C8orf34: variants seen among roughly 807,000 people sequenced by gnomAD.
C8orf34 encodes the protein uncharacterized protein C8orf34.
Under a neutral mutation model 68.3 loss-of-function variants are expected in C8orf34, and 65 were observed. The ratio of observed to expected loss-of-function variants is 0.95; its 90% CI spans 0.78 to 1.17. The LOEUF (loss-of-function observed/expected upper bound fraction) is 1.17, where lower values mean the gene tolerates loss of function less well. Ranked by LOEUF, C8orf34 falls within the 50% of genes most tolerant of loss-of-function variation. C8orf34 has a pLI of 0.00. For synonymous variants in C8orf34, 244 were observed against 241.2 expected (o/e 1.01, Z -0.11); for missense variants, 664 against 655.4 (o/e 1.01, Z -0.14).
intron 1 of C8orf34, among the ~76,000 whole-genome samples, chr8:68,417,361 G>A (rs1383789002): frequency 6.6e-6 from 1 of 151,930 alleles, no homozygotes; most frequent in South Asian, 2.1e-4. Flanking sequence ...GTTTGTAATA[G>A]CAAATTAGTG....
intron 10 of C8orf34, among the ~76,000 whole-genome samples, chr8:68,723,216 C>G (rs562917425): frequency 3.3e-5 from 5 of 152,132 alleles, no homozygotes; most frequent in East Asian, 3.9e-4. Context: ...TAGTTTTACT[C>G]GTGGAGTGAT....
intron 3 of C8orf34, among the ~76,000 whole-genome samples, chr8:68,450,514 A>G (rs576317909): frequency 2.0e-5 from 3 of 152,286 alleles, no homozygotes; most frequent in African/African-American, 7.2e-5. Flanking sequence ...AGGTAATAAG[A>G]CTTGAAAGTC....
chr8:68,632,175 T>C (rs910946848), intron 7 of C8orf34, among the ~76,000 whole-genome samples: 3 of 152,020 alleles, frequency 2.0e-5, no homozygotes, highest in African/African-American at 7.2e-5. Context: ...TAGGCTGAGG[T>C]GGTGTCAGAT....
intron 1 of C8orf34, among the ~76,000 whole-genome samples, chr8:68,345,794 G>A (rs1458884675): frequency 6.6e-6 from 1 of 151,832 alleles, no homozygotes; most frequent in African/African-American, 2.4e-5. Flanking sequence ...TGGTGTATGT[G>A]TCAAGGTACA....
At chr8:68,672,989 CT>C (rs1820064336) in intron 8 of C8orf34, among the ~76,000 whole-genome samples, 1 of 152,118 alleles carries the variant, frequency 6.6e-6, no homozygotes, top group Admixed American at 6.5e-5. Flanking sequence ...CAGGCCCTAG[CT>C]CTCAGATGAC....
At chr8:68,520,047 T>G (rs1354081170) in intron 5 of C8orf34, among the ~76,000 whole-genome samples, 1 of 152,214 alleles carries the variant, frequency 6.6e-6, no homozygotes, top group African/African-American at 2.4e-5. Context: ...GCCCTTCTGA[T>G]TGTTTGAAAA....
At chr8:68,377,418 AGAAG>A (rs1325944695) in intron 1 of C8orf34, among the ~76,000 whole-genome samples, 2 of 150,204 alleles carry the variant, frequency 1.3e-5, no homozygotes, top group South Asian at 2.1e-4. Flanking sequence ...AAGGAGAAGG[AGAAG>A]GAAGAAAAAA....
intron 10 of C8orf34, among the ~76,000 whole-genome samples, chr8:68,739,305 G>A (rs1013663017): frequency 1.3e-5 from 2 of 151,832 alleles, no homozygotes; most frequent in Non-Finnish European, 2.9e-5. Flanking sequence ...AATAATAAAA[G>A]CCATATCTGA....
intron 9 of C8orf34, among the ~76,000 whole-genome samples, chr8:68,713,881 C>A (rs1033700278): frequency 6.6e-6 from 1 of 152,072 alleles, no homozygotes; most frequent in Non-Finnish European, 1.5e-5. Context: ...AACATACATG[C>A]AAACATCCTC....
chr8:68,409,704 A>T (rs1191095611), intron 1 of C8orf34, among the ~76,000 whole-genome samples: 1 of 152,190 alleles, frequency 6.6e-6, no homozygotes, highest in Non-Finnish European at 1.5e-5. Context: ...TGAAGTCTAC[A>T]GCAGTGCACA....
intron 1 of C8orf34, among the ~76,000 whole-genome samples, chr8:68,421,250 T>G (rs1472020311): frequency 1.3e-5 from 2 of 152,122 alleles, no homozygotes; most frequent in Non-Finnish European, 2.9e-5. Flanking sequence ...GACAAAGAGC[T>G]CTGAAATCTA....
At chr8:68,712,160 C>A (rs1167233660) in intron 9 of C8orf34, among the ~76,000 whole-genome samples, 4 of 152,120 alleles carry the variant, frequency 2.6e-5, no homozygotes, top group Non-Finnish European at 4.4e-5. Context: ...ACTCCCAAGT[C>A]AGCACTACAA....
chr8:68,423,282 G>T (rs75905898), intron 1 of C8orf34, among the ~76,000 whole-genome samples: 1 of 151,980 alleles, frequency 6.6e-6, no homozygotes, highest in Non-Finnish European at 1.5e-5. Flanking sequence ...AATTTCTTCT[G>T]CCAGATACCC....
chr8:68,812,009 A>T (rs1281756076), intron 12 of C8orf34, among the ~76,000 whole-genome samples: 1 of 152,242 alleles, frequency 6.6e-6, no homozygotes, highest in Non-Finnish European at 1.5e-5. Context: ...CAAGAGAGGA[A>T]TGATCTCACT....
At chr8:68,616,807 C>T (rs569937295) in intron 7 of C8orf34, among the ~76,000 whole-genome samples, 20 of 152,094 alleles carry the variant, frequency 1.3e-4, no homozygotes, top group South Asian at 8.3e-4. Flanking sequence ...CTATTAGGTC[C>T]GCTTGGTGCA....
Position 68,589,857 on chromosome 8 carries a change from A to ATGAG in C8orf34, c.1106-50514_1106-50511dup, listed in dbSNP as rs567311113. On this transcript the variant is annotated intron_variant, in intron 7 of 13. Transcript: ENST00000518698. ...AGGAAGTAAAAAGAAAAAGAGAGAAATGAGTGAGGGAGGGAGAGAGGAAAG... is the reference window on the plus strand; with the variant it reads ...AGGAAGTAAAAAGAAAAAGAGAGAAATGAGTGAGTGAGGGAGGGAGAGAGGAAAG... Among the ~76,000 whole-genome samples, 9 of 138,398 alleles carry ATGAG rather than the reference A, an allele frequency of 6.5e-5. No homozygotes were observed. In the East Asian group the frequency reaches 2.1e-3, roughly 33 times the overall value. 90.8% of individuals were successfully genotyped at this position (138,398 alleles called of 152,430 possible). A position where few individuals can be genotyped will look rare whatever the true frequency, so the allele number is the denominator to read the frequency against.
intron 7 of C8orf34, among the ~76,000 whole-genome samples, chr8:68,548,387 C>T (rs906792885): frequency 6.6e-6 from 1 of 151,662 alleles, no homozygotes; most frequent in Non-Finnish European, 1.5e-5. Context: ...GTAATAGGCA[C>T]TTCTCAAAAG....
At chr8:68,632,271 C>G (rs1422775027) in intron 7 of C8orf34, among the ~76,000 whole-genome samples, 1 of 152,110 alleles carries the variant, frequency 6.6e-6, no homozygotes, top group Non-Finnish European at 1.5e-5. Context: ...TGCTCCCACC[C>G]TAGAGGTCTG....
intron 1 of C8orf34, among the ~76,000 whole-genome samples, chr8:68,419,390 C>G (rs1809839205): frequency 6.7e-6 from 1 of 149,180 alleles, no homozygotes; most frequent in Non-Finnish European, 1.5e-5. Context: ...GGACTCTAAA[C>G]TAGTTCAACC....
Sources: gnomAD v4.1 joint callset for allele counts (sites outside exome capture counted in the v4.1 genomes callset) on GRCh38, gnomAD v4.1.1 for gene constraint, MANE v1.5 for transcripts, NCBI Gene and HGNC (gene_info 2026-07-23, HGNC 2026-07-21) for gene names.